The following IGF2BP3 variants were observed in gnomAD, a reference collection of about 807,000 sequenced individuals.
The protein encoded by IGF2BP3 is insulin like growth factor 2 mRNA binding protein 3.
A neutral mutation model predicts 73.8 loss-of-function variants in IGF2BP3; 9 were observed. The ratio of observed to expected loss-of-function variants is 0.12; its 90% confidence interval spans 0.07 to 0.21. IGF2BP3 has a LOEUF of 0.21. Ranked by LOEUF, IGF2BP3 falls within the 10% of genes least tolerant of loss-of-function variation. IGF2BP3 has a pLI of 1.00. For synonymous variants in IGF2BP3, 258 were observed against 256.7 expected, an observed-to-expected ratio of 1.01 and a Z score of -0.05; for missense variants, 542 against 714.0, an observed-to-expected ratio of 0.76 and a Z score of 2.75.
At chr7:23,346,963 C>G (rs1356483894) in intron 7 of IGF2BP3, among the ~76,000 whole-genome samples, 1 of 152,046 alleles carries the variant, frequency 6.6e-6, no homozygotes, top group Non-Finnish European at 1.5e-5. Flanking sequence ...TGATATGGCA[C>G]CCACATATAA....
At chr7:23,312,635 G>T in intron 14 of IGF2BP3, 100 bp downstream of exon 14, 1 of 963,106 alleles carries the variant, frequency 1.0e-6, no homozygotes, top group Non-Finnish European at 1.6e-6. Flanking sequence ...AAAGTCTTAA[G>T]CATCAAACAA....
chr7:23,313,934 A>T (rs1402592298), intron 12 of IGF2BP3, among the ~76,000 whole-genome samples: 1 of 152,244 alleles, frequency 6.6e-6, no homozygotes, highest in Non-Finnish European at 1.5e-5. Flanking sequence ...AACCTAATAA[A>T]AACGAATTTT....
At chr7:23,414,818 C>A in intron 3 of IGF2BP3, 1 of 176,234 alleles carries the variant, frequency 5.7e-6, no homozygotes, top group Non-Finnish European at 1.2e-5. Context: ...ATCCCCACAC[C>A]CACAGGTCCC....
chr7:23,468,757 G>C (rs903192882), intron 1 of IGF2BP3, among the ~76,000 whole-genome samples: 4 of 152,228 alleles, frequency 2.6e-5, no homozygotes, highest in East Asian at 1.9e-4. Context: ...TCCGCTGGCG[G>C]GCCCACTACT....
intron 11 of IGF2BP3, among the ~76,000 whole-genome samples, chr7:23,318,713 A>G (rs1784056929): frequency 6.6e-6 from 1 of 152,204 alleles, no homozygotes; most frequent in Non-Finnish European, 1.5e-5. Context: ...GGCAATGGAA[A>G]TATAGGTAGA....
intron 10 of IGF2BP3, among the ~76,000 whole-genome samples, chr7:23,334,778 T>TTA (rs1784529912): frequency 3.3e-5 from 5 of 152,264 alleles, no homozygotes; most frequent in Middle Eastern, 3.4e-3. Flanking sequence ...AGTCTGCCAA[T>TTA]GAGTAATTCC....
chr7:23,405,692 A>G (rs1402354602), intron 3 of IGF2BP3, among the ~76,000 whole-genome samples: 1 of 152,292 alleles, frequency 6.6e-6, no homozygotes, highest in Middle Eastern at 3.4e-3. Context: ...CATACTCCTT[A>G]TGAGATTCTA....
intron 5 of IGF2BP3, among the ~76,000 whole-genome samples, chr7:23,357,006 C>T (rs1158206741): frequency 6.6e-6 from 1 of 152,254 alleles, no homozygotes; most frequent in Non-Finnish European, 1.5e-5. Flanking sequence ...CTTTGTAATT[C>T]TGAAAGTTAT....
chr7:23,435,619 C>A (rs1357693231), intron 2 of IGF2BP3, among the ~76,000 whole-genome samples: 1 of 151,962 alleles, frequency 6.6e-6, no homozygotes, highest in Non-Finnish European at 1.5e-5. Flanking sequence ...CCACGCCCGG[C>A]TAATTTTTTT....
chr7:23,331,962 T>C (rs1367303785), intron 10 of IGF2BP3, among the ~76,000 whole-genome samples: 4 of 151,024 alleles, frequency 2.6e-5, no homozygotes, highest in Non-Finnish European at 1.5e-5. Flanking sequence ...GGTAACAAGG[T>C]ACGTCTTACT....
At position 23,351,454 on chromosome 7, in the gene IGF2BP3, G is replaced by A; in HGVS notation, c.534C>T (p.Gly178=). 6.2e-7 allele frequency: 1 copy of A among 1,613,738 alleles called. No homozygotes were observed. The highest frequency in any genetic ancestry group is 1.1e-5 in the South Asian group (1 of 91,014). ...PRGRRGLGQR[G]SSRQGSPGSV... is the part of the protein sequence containing the mutation. Reference sequence around the variant, plus strand: ...ATCCTGGAGACCCCTGCCTTGAGGAGCCCCTCTGCCCAAGCCCCCGGCGAC... The same window carrying A: ...ATCCTGGAGACCCCTGCCTTGAGGAACCCCTCTGCCCAAGCCCCCGGCGAC... Residue 178 remains glycine, a synonymous_variant, in exon 6 of 15, where the codon GGC becomes GGT. Coordinates refer to ENST00000258729, the MANE Select transcript of IGF2BP3 (RefSeq NM_006547.3).
intron 3 of IGF2BP3, among the ~76,000 whole-genome samples, chr7:23,368,127 A>G (rs1241030751): frequency 2.6e-5 from 4 of 152,222 alleles, no homozygotes; most frequent in African/African-American, 9.7e-5. Context: ...GATCACTCAT[A>G]ATAGTCTGAA....
At chr7:23,361,406 G>A (rs965286597) in intron 5 of IGF2BP3, 128 bp downstream of exon 5, 3 of 670,126 alleles carry the variant, frequency 4.5e-6, no homozygotes, top group African/African-American at 1.8e-5. Flanking sequence ...ACGATTACAG[G>A]GTCAAATTTT....
intron 6 of IGF2BP3, among the ~76,000 whole-genome samples, chr7:23,348,888 A>G (rs1407132592): frequency 6.6e-6 from 1 of 152,240 alleles, no homozygotes; most frequent in Admixed American, 6.5e-5. Flanking sequence ...CATATCATAC[A>G]GATGTTTTTG....
chr7:23,344,701 T>C (rs1394543259), intron 8 of IGF2BP3, among the ~76,000 whole-genome samples: 2 of 152,366 alleles, frequency 1.3e-5, no homozygotes, highest in East Asian at 1.9e-4. Context: ...ATCTCCTTCA[T>C]CTTCCTGAAG....
At chr7:23,334,405 C>A (rs1562680033) in intron 10 of IGF2BP3, among the ~76,000 whole-genome samples, 1 of 152,156 alleles carries the variant, frequency 6.6e-6, no homozygotes, top group East Asian at 1.9e-4. Flanking sequence ...ATTTGGACAC[C>A]CCAAATAGGC....
intron 6 of IGF2BP3, 194 bp from the exon 7 acceptor site, chr7:23,347,928 C>A: frequency 1.8e-6 from 1 of 554,100 alleles, no homozygotes; most frequent in Non-Finnish European, 3.1e-6. Flanking sequence ...AGGAACATTC[C>A]CCTTTCTCTT....
At chr7:23,363,348 C>G (rs1422262062) in intron 3 of IGF2BP3, among the ~76,000 whole-genome samples, 1 of 151,972 alleles carries the variant, frequency 6.6e-6, no homozygotes, top group Non-Finnish European at 1.5e-5. Flanking sequence ...TGGGCTCAAG[C>G]AACCCTCCCA....
intron 2 of IGF2BP3, among the ~76,000 whole-genome samples, chr7:23,453,446 T>C (rs116468036): frequency 0.01 from 1,533 of 152,312 alleles, 21 homozygotes; most frequent in African/African-American, 0.034. Context: ...TGTAATATAG[T>C]ATAACCTAAG....
Sources: gnomAD v4.1 joint callset for allele counts (sites outside exome capture counted in the v4.1 genomes callset) on GRCh38, gnomAD v4.1.1 for gene constraint, MANE v1.5 for transcripts, NCBI Gene and HGNC (gene_info 2026-07-23, HGNC 2026-07-21) for gene names.